ATRNL1: variants seen among roughly 807,000 people sequenced by gnomAD.
ATRNL1 encodes the protein attractin-like protein 1.
Under a neutral mutation model 182.7 loss-of-function variants are expected in ATRNL1, and 95 were observed. The observed-to-expected ratio is 0.52, with a 90% CI of 0.44 to 0.62. The LOEUF (loss-of-function observed/expected upper bound fraction) is 0.62, where lower values mean the gene tolerates loss of function less well. ATRNL1 is among the 20% of genes least tolerant of loss of function. ATRNL1 has a pLI of 0.00. For missense variants in ATRNL1, 1,471 were observed against 1,679.5 expected, an observed-to-expected ratio of 0.88 and a Z score of 2.17; for synonymous variants, 576 against 568.3, an observed-to-expected ratio of 1.01 and a Z score of -0.19.
chr10:115,589,162 TTGAC>T (rs1555011341), intron 26 of ATRNL1, among the ~76,000 whole-genome samples: 2 of 152,136 alleles, frequency 1.3e-5, no homozygotes, highest in African/African-American at 4.8e-5. Flanking sequence ...TAATTAGACT[TTGAC>T]TATAACGTAT....
In ATRNL1 at chr10:115,559,671, T is replaced by C. The variant is rs147819866; in HGVS notation, c.3795+10135T>C. Among the ~76,000 whole-genome samples, 189 of 152,276 alleles carry C rather than the reference T, an allele frequency of 1.2e-3. 2 individuals are homozygous for C. Among genetic ancestry groups the C allele is most frequent in the African/African-American group, 4.4e-3 (184 of 41,570 alleles). Reference sequence around the variant, plus strand: ...AATCACATGAGAATCTCAATAGATATAGAGAAAGCATTTGACAAAGTCCAA... The same window carrying C: ...AATCACATGAGAATCTCAATAGATACAGAGAAAGCATTTGACAAAGTCCAA... On this transcript the variant is annotated intron_variant, in intron 26 of 28. Transcript: ENST00000355044.
chr10:115,548,768 A>T (rs1201331942), intron 25 of ATRNL1, among the ~76,000 whole-genome samples: 1 of 152,158 alleles, frequency 6.6e-6, no homozygotes, highest in Non-Finnish European at 1.5e-5. Flanking sequence ...AGCATATGCC[A>T]GGGTTTCTCA....
intron 27 of ATRNL1, among the ~76,000 whole-genome samples, chr10:115,839,019 T>A (rs1388912621): frequency 2.0e-5 from 3 of 152,142 alleles, no homozygotes; most frequent in Non-Finnish European, 2.9e-5. Context: ...TAGAAAGTCA[T>A]TTATTATGTG....
At chr10:115,446,543 T>C (rs1048197767) in intron 21 of ATRNL1, among the ~76,000 whole-genome samples, 1 of 151,974 alleles carries the variant, frequency 6.6e-6, no homozygotes, top group African/African-American at 2.4e-5. Flanking sequence ...TTATATTAAT[T>C]GTATCTACTT....
At chr10:115,399,930 T>G (rs1592597446) in intron 20 of ATRNL1, among the ~76,000 whole-genome samples, 1 of 152,086 alleles carries the variant, frequency 6.6e-6, no homozygotes, top group East Asian at 1.9e-4. Context: ...AAAGCAAAAA[T>G]TGGCAAATGG....
At chr10:115,264,694 C>CT (rs1851534016) in intron 10 of ATRNL1, among the ~76,000 whole-genome samples, 1 of 150,920 alleles carries the variant, frequency 6.6e-6, no homozygotes, top group Non-Finnish European at 1.5e-5. Flanking sequence ...TATAAAAAAG[C>CT]TTTTTTGAGA....
intron 17 of ATRNL1, among the ~76,000 whole-genome samples, chr10:115,306,889 A>G (rs1320970363): frequency 6.6e-6 from 1 of 152,184 alleles, no homozygotes; most frequent in Non-Finnish European, 1.5e-5. Flanking sequence ...TGAGAAGGTT[A>G]ATGAAACATA....
intron 26 of ATRNL1, among the ~76,000 whole-genome samples, chr10:115,629,694 A>G (rs896775604): frequency 3.9e-5 from 6 of 152,130 alleles, no homozygotes; most frequent in Admixed American, 1.3e-4. Flanking sequence ...AGTTGAACCA[A>G]CTCGGAATTC....
At chr10:115,306,968 C>T (rs1016947872) in intron 17 of ATRNL1, among the ~76,000 whole-genome samples, 1 of 152,032 alleles carries the variant, frequency 6.6e-6, no homozygotes, top group East Asian at 1.9e-4. Context: ...TAACTAAATA[C>T]CGCTGGTGGG....
chr10:115,113,547 A>G (rs979399656), intron 1 of ATRNL1, among the ~76,000 whole-genome samples: 1 of 152,142 alleles, frequency 6.6e-6, no homozygotes, highest in Non-Finnish European at 1.5e-5. Context: ...TGCTGTTCTC[A>G]TGATAGTGAA....
intron 26 of ATRNL1, among the ~76,000 whole-genome samples, chr10:115,620,104 T>C (rs1206424089): frequency 2.6e-5 from 4 of 152,218 alleles, no homozygotes; most frequent in African/African-American, 4.8e-5. Flanking sequence ...TGTAGACGTG[T>C]GACACTAGCA....
rs1306929464 is a variant in ATRNL1 at position 115,742,274 on chromosome 10, G to T, written c.3903+14919G>T. Among the ~76,000 whole-genome samples the T allele has an allele frequency of 2.6e-5, 4 of 152,100 alleles. No homozygotes were observed. The East Asian group carries it at 5.8e-4, about 22-fold the overall frequency. The stretch of plus-strand genomic sequence containing the variant: ...GGAAGAAATATTCAAGGGAAAAAAT[G>T]TATAGTAGGATAAAGGGGAGGTGAA... On this transcript the variant is annotated intron_variant, in intron 27 of 28. Transcript: ENST00000355044.
Position 115,338,195 on chromosome 10 carries a change from C to T in ATRNL1, c.3175+3776C>T, listed in dbSNP as rs74353331. ...TTATCTATTGTAAACATTGTTGCAA[C>T]GTAGGAGCGCAGGTATCTCTTTGAT... On this transcript the variant is annotated intron_variant, in intron 19 of 28. Transcript: ENST00000355044. 5.9e-3 allele frequency among the ~76,000 whole-genome samples: 898 copies of T among 152,248 alleles called. 11 individuals carry two copies. Among genetic ancestry groups the T allele is most frequent in the South Asian group, 0.021 (103 of 4,828 alleles).
intron 24 of ATRNL1, among the ~76,000 whole-genome samples, chr10:115,486,924 AG>A (rs1849054823): frequency 6.6e-6 from 1 of 152,238 alleles, no homozygotes; most frequent in African/African-American, 2.4e-5. Context: ...ATAAGGTGTA[AG>A]GAAGGGATCC....
chr10:115,381,844 G>A (rs1171754497), intron 19 of ATRNL1, among the ~76,000 whole-genome samples: 1 of 151,820 alleles, frequency 6.6e-6, no homozygotes, highest in African/African-American at 2.4e-5. Flanking sequence ...ATATTTAGGT[G>A]TCTTATGTAT....
intron 28 of ATRNL1, among the ~76,000 whole-genome samples, chr10:115,864,034 A>G (rs563300207): frequency 1.4e-4 from 21 of 152,184 alleles, no homozygotes; most frequent in Admixed American, 2.6e-4. Flanking sequence ...TGAAAGATTG[A>G]ATAGATAAAG....
intron 27 of ATRNL1, among the ~76,000 whole-genome samples, chr10:115,838,592 G>T (rs1184968681): frequency 6.6e-6 from 1 of 152,120 alleles, no homozygotes; most frequent in East Asian, 1.9e-4. Flanking sequence ...CTGAGGAAGA[G>T]GAGGGAAAAG....
At chr10:115,933,174 G>C (rs948512081) in intron 28 of ATRNL1, among the ~76,000 whole-genome samples, 2 of 152,182 alleles carry the variant, frequency 1.3e-5, no homozygotes, top group African/African-American at 4.8e-5. Flanking sequence ...AAACAACCAG[G>C]CTGTTCAGAG....
intron 8 of ATRNL1, among the ~76,000 whole-genome samples, chr10:115,208,588 C>T (rs1554894329): frequency 6.6e-6 from 1 of 152,056 alleles, no homozygotes; most frequent in African/African-American, 2.4e-5. Context: ...TACTACATCT[C>T]TTCTCAGGAC....
Sources: gnomAD v4.1 joint callset for allele counts (sites outside exome capture counted in the v4.1 genomes callset) on GRCh38, gnomAD v4.1.1 for gene constraint, MANE v1.5 for transcripts, NCBI Gene and HGNC (gene_info 2026-07-23, HGNC 2026-07-21) for gene names.